Variants in HEATR5B observed in about 807,000 individuals in gnomAD.
The protein encoded by HEATR5B is HEAT repeat containing 5B.
Under a neutral mutation model 224.1 loss-of-function variants are expected in HEATR5B, and 156 were observed. The observed-to-expected ratio is 0.70, with a 90% CI of 0.61 to 0.80. The LOEUF is 0.80. Among genes scored for constraint, HEATR5B ranks in the 30% least tolerant of loss-of-function variants. The pLI, the probability that HEATR5B is intolerant of heterozygous loss-of-function variation, is 0.00. For missense variants in HEATR5B, 2,323 were observed against 2,535.5 expected (o/e 0.92, Z 1.80); for synonymous variants, 1,027 against 893.0 (o/e 1.15, Z -2.68).
chr2:37,033,304 T>A (rs530155662), intron 21 of HEATR5B, among the ~76,000 whole-genome samples: 17 of 152,304 alleles, frequency 1.1e-4, no homozygotes, highest in African/African-American at 3.8e-4. Context: ...ATACAAAAAA[T>A]ATGTTAGTAG....
In HEATR5B at chr2:36,981,704, T is replaced by A. The variant is rs1243749327; in HGVS notation, c.6002A>T (p.Asp2001Val). 2 of 1,614,136 alleles carry A rather than the reference T, an allele frequency of 1.2e-6. No individual in the cohort carries two copies. Among genetic ancestry groups the A allele is most frequent in the Admixed American group, 1.7e-5 (1 of 60,006 alleles). Residue 2001 changes from aspartate (D) to valine (V), a missense_variant, in exon 36 of 36, where the codon GAT (aspartate) becomes GTT (valine). Around this residue, in one of 12 missense-constraint regions of HEATR5B, gnomAD observed 844 missense variants for 812.9 expected, o/e 1.04. Coordinates refer to ENST00000233099, the MANE Select transcript of HEATR5B (RefSeq NM_019024.3). ...ATTCTGGAGTGCAAACTCATGAAGA[T>A]CTTTGGAAGCTGAACTTGCTGAGGC... The part of the protein sequence containing the change: ...SFASASSASK[D>V]LHEFALQNLM...
intron 17 of HEATR5B, among the ~76,000 whole-genome samples, chr2:37,050,667 A>C (rs1009771742): frequency 2.0e-5 from 3 of 152,250 alleles, no homozygotes; most frequent in African/African-American, 7.2e-5. Flanking sequence ...ACTCTTGATG[A>C]ATATGAAACT....
Position 37,037,988 on chromosome 2 carries a change from C to G in HEATR5B, c.3083G>C (p.Cys1028Ser), listed in dbSNP as rs914450787. 2 of 1,581,424 alleles carry G rather than the reference C, an allele frequency of 1.3e-6. No homozygotes were observed. Among genetic ancestry groups the G allele is most frequent in the Non-Finnish European group, 1.7e-6 (2 of 1,160,964 alleles). ...GATTSTIRSSCLVGCAITQDH... is the reference protein window; with the variant it reads ...GATTSTIRSSSLVGCAITQDH... ...TTGTGTTATTGCACAACCCACCAAA[C>G]AAGAGGAACGAATTGTAGAAGTTGT... Residue 1028 changes from cysteine (C) to serine (S), a missense_variant, in exon 21 of 36, where the codon TGT (cysteine) becomes TCT (serine). Physicochemically the swap from Cys to Ser is moderately radical, Grantham distance 112. This residue lies in a region of HEATR5B where 88 missense variants were observed against 86.8 expected (regional missense o/e 1.01). Coordinates refer to ENST00000233099, the MANE Select transcript of HEATR5B (RefSeq NM_019024.3).
At chr2:36,990,503 GT>G (rs1666256982) in intron 34 of HEATR5B, 144 bp downstream of exon 34, 1 of 635,296 alleles carries the variant, frequency 1.6e-6, no homozygotes, top group African/African-American at 1.8e-5. Flanking sequence ...CTTAAACCCA[GT>G]GATTTGTTTC....
At chr2:36,981,955 C>CTAAA (rs1445827191) in intron 35 of HEATR5B, among the ~76,000 whole-genome samples, 161 bp from the exon 36 acceptor site, 10 of 150,768 alleles carry the variant, frequency 6.6e-5, no homozygotes, top group Admixed American at 4.6e-4. Flanking sequence ...TAAATATTTA[C>CTAAA]TAAATGTACA....
chr2:37,056,717 C>A (rs1442475622), intron 15 of HEATR5B, 102 bp from the exon 16 acceptor site: 1 of 951,936 alleles, frequency 1.1e-6, no homozygotes, highest in Admixed American at 3.3e-5. Flanking sequence ...GGAGAAAAGG[C>A]AACAAAAAAA....
At chr2:37,001,803 A>G (rs546603402) in intron 32 of HEATR5B, among the ~76,000 whole-genome samples, 12 of 137,744 alleles carry the variant, frequency 8.7e-5, no homozygotes, top group Non-Finnish European at 1.7e-4. Context: ...AGCTGGGATT[A>G]CAGGGCATAC....
intron 34 of HEATR5B, 123 bp downstream of exon 34, chr2:36,990,525 T>C: frequency 1.2e-6 from 1 of 848,572 alleles, no homozygotes. Context: ...AGTTTTTCCA[T>C]TTAAAAGCCA....
At chr2:37,014,161 ATAT>A (rs747709322) in intron 26 of HEATR5B, 141 bp from the exon 27 acceptor site, 285 of 431,222 alleles carry the variant, frequency 6.6e-4, no homozygotes, top group Non-Finnish European at 8.3e-4. Flanking sequence ...CTATGCTTTG[ATAT>A]TATTATTATT....
chr2:37,072,094 G>A lies in HEATR5B; in HGVS notation c.769+16C>T, dbSNP rs1404730563. 1 of 1,602,138 alleles carries A rather than the reference G, an allele frequency of 6.2e-7. No homozygotes were observed. Among genetic ancestry groups the A allele is most frequent in the Non-Finnish European group, 8.5e-7 (1 of 1,172,036 alleles). On this transcript the variant is annotated intron_variant, in intron 6 of 35. Coordinates refer to ENST00000233099, the MANE Select transcript of HEATR5B (RefSeq NM_019024.3). ...TTAGGTCTGTTATGGTCTAAATCAA[G>A]GGCAAACAACAATACCTGTTGCCTG...
chr2:37,066,269 T>C (rs1189517346), intron 8 of HEATR5B, among the ~76,000 whole-genome samples: 9 of 152,218 alleles, frequency 5.9e-5, no homozygotes, highest in African/African-American at 2.2e-4. Context: ...TTGAGCAAGA[T>C]GTTCAATTTT....
At chr2:36,989,489 T>C (rs1433533752) in intron 34 of HEATR5B, among the ~76,000 whole-genome samples, 1 of 152,206 alleles carries the variant, frequency 6.6e-6, no homozygotes, top group Non-Finnish European at 1.5e-5. Flanking sequence ...TTTAACCAAA[T>C]ATATTTACTA....
chr2:37,013,178 T>C (rs1408225287), intron 27 of HEATR5B, among the ~76,000 whole-genome samples: 1 of 152,214 alleles, frequency 6.6e-6, no homozygotes. Context: ...TCACTTTCTA[T>C]GGTTTCAGTT....
chr2:37,053,456 T>C, intron 17 of HEATR5B, 46 bp downstream of exon 17: 1 of 1,068,200 alleles, frequency 9.4e-7, no homozygotes, highest in Non-Finnish European at 1.4e-6. Context: ...ATTAAATGCA[T>C]TAATTAAAAA....
chr2:37,036,755 C>T (rs921864650), intron 21 of HEATR5B, among the ~76,000 whole-genome samples: 1 of 151,988 alleles, frequency 6.6e-6, no homozygotes, highest in African/African-American at 2.4e-5. Flanking sequence ...CAGGTGATCC[C>T]CCCGCCTTGG....
At chr2:37,048,198 T>C (rs1214833613) in intron 18 of HEATR5B, among the ~76,000 whole-genome samples, 18 of 151,654 alleles carry the variant, frequency 1.2e-4, no homozygotes, top group Admixed American at 8.5e-4. Flanking sequence ...GTTTTTTTTT[T>C]TTTTGAGACA....
chr2:37,037,224 C>G (rs1467593511), intron 21 of HEATR5B, among the ~76,000 whole-genome samples: 1 of 147,978 alleles, frequency 6.8e-6, no homozygotes, highest in Non-Finnish European at 1.5e-5. Context: ...CGGCTCACTG[C>G]AACCTCCGCC....
chr2:37,055,136 G>A (rs758227743), intron 16 of HEATR5B: 11 of 391,026 alleles, frequency 2.8e-5, no homozygotes. Flanking sequence ...CCTGCTGGTT[G>A]AAAACCAAAG....
chr2:37,031,168 TG>T (rs1307405186), intron 22 of HEATR5B, among the ~76,000 whole-genome samples: 1 of 152,204 alleles, frequency 6.6e-6, no homozygotes, highest in Non-Finnish European at 1.5e-5. Flanking sequence ...AGCTTGTGCC[TG>T]GTTTCCTCTA....
Sources: allele counts gnomAD v4.1 joint callset (sites outside exome capture counted in the v4.1 genomes callset), GRCh38; gene constraint gnomAD v4.1.1; regional missense constraint gnomAD v4.1.1; transcripts MANE v1.5; gene names NCBI Gene and HGNC (gene_info 2026-07-23, HGNC 2026-07-21).